Variants in SMARCAD1 observed in about 807,000 individuals in gnomAD.
SMARCAD1 encodes SNF2 related chromatin remodeling ATPase with DExD box 1.
A neutral mutation model predicts 127.1 loss-of-function variants in SMARCAD1; 25 were observed. That is an observed-to-expected ratio of 0.20 (90% CI 0.14 to 0.27). The LOEUF is 0.27. Ranked by LOEUF, SMARCAD1 falls within the 10% of genes least tolerant of loss-of-function variation. SMARCAD1 has a pLI of 1.00. For synonymous variants in SMARCAD1, 400 were observed against 396.9 expected (o/e 1.01, Z -0.09); for missense variants, 807 against 1,206.0 (o/e 0.67, Z 4.90).
chr4:94,219,564 T>A (rs748936676), intron 2 of SMARCAD1, among the ~76,000 whole-genome samples: 1 of 152,160 alleles, frequency 6.6e-6, no homozygotes, highest in Non-Finnish European at 1.5e-5. Context: ...TTGTCTTCTT[T>A]TATGCATACC....
chr4:94,220,927 T>C (rs1207539957), intron 2 of SMARCAD1, among the ~76,000 whole-genome samples: 1 of 152,246 alleles, frequency 6.6e-6, no homozygotes, highest in Non-Finnish European at 1.5e-5. Flanking sequence ...CGTACAACAG[T>C]GATCTCAAGG....
chr4:94,256,631 G>A lies in SMARCAD1; in HGVS notation c.1281+3624G>A, dbSNP rs912824490. Among the ~76,000 whole-genome samples the A allele has an allele frequency of 7.9e-5, 12 of 152,160 alleles. No individual in the cohort carries two copies. In the South Asian group the frequency reaches 2.1e-3, roughly 26 times the overall value. ...ACCTGTTGCGGCCTCTCCAAGTGCC[G>A]GGGTTACAGGCGTGAGCCACTGCAT... On this transcript the variant is annotated intron_variant, in intron 9 of 23. Coordinates refer to ENST00000354268, the MANE Select transcript of SMARCAD1 (RefSeq NM_020159.5).
chr4:94,272,368 C>CT (rs2125980963), intron 11 of SMARCAD1, among the ~76,000 whole-genome samples: 1 of 152,274 alleles, frequency 6.6e-6, no homozygotes, highest in South Asian at 2.1e-4. Context: ...TCCTAAGTAA[C>CT]TTTTTTAAAC....
chr4:94,287,911 G>A lies in SMARCAD1; in HGVS notation c.3020-1562G>A, dbSNP rs1276695079. Among the ~76,000 whole-genome samples the A allele has an allele frequency of 2.0e-5, 3 of 151,910 alleles. No homozygotes were observed. The East Asian group carries it at 5.8e-4, about 29-fold the overall frequency. ...TTCATGCTTATAATGCCAGCACTTGGGGAGACAGGCGGGAGGATCGTTTGA... is the reference window on the plus strand; with the variant it reads ...TTCATGCTTATAATGCCAGCACTTGAGGAGACAGGCGGGAGGATCGTTTGA... On this transcript the variant is annotated intron_variant, in intron 23 of 23. Coordinates refer to ENST00000354268, the MANE Select transcript of SMARCAD1 (RefSeq NM_020159.5).
At chr4:94,238,862 A>G (rs1747124801) in intron 5 of SMARCAD1, among the ~76,000 whole-genome samples, 1 of 152,098 alleles carries the variant, frequency 6.6e-6, no homozygotes, top group Middle Eastern at 3.2e-3. Context: ...AATTTCACAA[A>G]TATTTATTAT....
At chr4:94,209,111 A>T (rs1317776104) in intron 2 of SMARCAD1, among the ~76,000 whole-genome samples, 1 of 152,242 alleles carries the variant, frequency 6.6e-6, no homozygotes, top group Non-Finnish European at 1.5e-5. Flanking sequence ...ATGGTGAATG[A>T]ACATTTTTAA....
At chr4:94,273,227 G>A (rs1388676120) in intron 11 of SMARCAD1, among the ~76,000 whole-genome samples, 3 of 152,178 alleles carry the variant, frequency 2.0e-5, no homozygotes, top group East Asian at 1.9e-4. Flanking sequence ...GAATTGCTGG[G>A]ATAGATTAGG....
intron 16 of SMARCAD1, among the ~76,000 whole-genome samples, chr4:94,277,973 GCACTATTCCCCATTTTTAGAC>G (rs1254047230): frequency 6.6e-6 from 1 of 152,144 alleles, no homozygotes; most frequent in Non-Finnish European, 1.5e-5. Flanking sequence ...TTCTGACTAA[GCACTATTCCCCATTTTTAGAC>G]CAAGTGATTT....
chr4:94,270,207 A>G (rs981747179), intron 10 of SMARCAD1, among the ~76,000 whole-genome samples: 1 of 152,058 alleles, frequency 6.6e-6, no homozygotes, highest in African/African-American at 2.4e-5. Flanking sequence ...TGTACGTAGT[A>G]TGCACATAAT....
At chr4:94,278,795 T>TTA (rs1753638039) in intron 18 of SMARCAD1, 62 bp downstream of exon 18, 6 of 1,599,148 alleles carry the variant, frequency 3.8e-6, no homozygotes, top group Non-Finnish European at 5.1e-6. Flanking sequence ...TGCATTTTGT[T>TTA]TAGTCATATA....
intron 9 of SMARCAD1, chr4:94,253,420 G>A (rs1477808319): frequency 4.0e-6 from 5 of 1,235,742 alleles, no homozygotes; most frequent in Non-Finnish European, 5.2e-6. Context: ...AAGAGCAATA[G>A]CAACGGCCAG....
rs531284636 is a variant in SMARCAD1, at chr4:94,224,845, G to T, written c.191-1274G>T. On this transcript the variant is annotated intron_variant, in intron 2 of 23. Transcript: ENST00000354268. ...GGGATATGTGTCCCTCATGATTATTGTGAGGTTTAAATGTTTATTATATTT... is the reference window on the plus strand; with the variant it reads ...GGGATATGTGTCCCTCATGATTATTTTGAGGTTTAAATGTTTATTATATTT... 3.0e-4 allele frequency among the ~76,000 whole-genome samples: 46 copies of T among 152,182 alleles called. 1 individual carries two copies. In the South Asian group the frequency reaches 8.1e-3, roughly 27 times the overall value.
At chr4:94,265,792 G>C (rs1751659301) in intron 10 of SMARCAD1, among the ~76,000 whole-genome samples, 1 of 151,820 alleles carries the variant, frequency 6.6e-6, no homozygotes, top group South Asian at 2.1e-4. Flanking sequence ...AATGAATTAT[G>C]GTATATCCAT....
chr4:94,225,749 AG>A (rs1649632340), intron 2 of SMARCAD1, among the ~76,000 whole-genome samples: 1 of 152,228 alleles, frequency 6.6e-6, no homozygotes, highest in South Asian at 2.1e-4. Flanking sequence ...GAGGAAATTA[AG>A]GCTTAGAGAA....
At chr4:94,281,398 C>G in intron 20 of SMARCAD1, 74 bp from the exon 21 acceptor site, 1 of 982,132 alleles carries the variant, frequency 1.0e-6, no homozygotes, top group Non-Finnish European at 1.6e-6. Flanking sequence ...ACACTTCTAA[C>G]TGTTTAAACC....
At chr4:94,276,043 C>T (rs985345576) in intron 14 of SMARCAD1, among the ~76,000 whole-genome samples, 12 of 151,996 alleles carry the variant, frequency 7.9e-5, no homozygotes, top group Admixed American at 1.3e-4. Context: ...GTGATCCGCC[C>T]GCCTCGGCCT....
intron 2 of SMARCAD1, among the ~76,000 whole-genome samples, chr4:94,220,706 T>C (rs573132735): frequency 6.6e-6 from 1 of 152,246 alleles, no homozygotes; most frequent in Non-Finnish European, 1.5e-5. Context: ...AAAGCAATCA[T>C]AGGTAAAATT....
chr4:94,248,609 C>T lies in SMARCAD1; in HGVS notation c.706-1045C>T, dbSNP rs1748819740. ...CTGTTGCTTCTTAAAAAAGACTAACCTTAGGCTTTATTCCATGTTAGCTCT... is the reference window on the plus strand; with the variant it reads ...CTGTTGCTTCTTAAAAAAGACTAACTTTAGGCTTTATTCCATGTTAGCTCT... On this transcript the variant is annotated intron_variant, in intron 6 of 23. Coordinates refer to ENST00000354268, the MANE Select transcript of SMARCAD1 (RefSeq NM_020159.5). 1.0e-4 allele frequency: 45 copies of T among 450,426 alleles called. 1 individual carries two copies. Among genetic ancestry groups the T allele is most frequent in the South Asian group, 6.6e-4 (42 of 63,480 alleles). The allele number at this position is 450,426 out of a possible 1,614,324, so 27.9% of individuals were successfully genotyped here.
chr4:94,275,545 A>G (rs1443995032), intron 14 of SMARCAD1, among the ~76,000 whole-genome samples: 1 of 152,022 alleles, frequency 6.6e-6, no homozygotes, highest in Non-Finnish European at 1.5e-5. Context: ...TTCATGCGGA[A>G]TTTTATTTTT....
Sources: allele counts gnomAD v4.1 joint callset (sites outside exome capture counted in the v4.1 genomes callset), GRCh38; gene constraint gnomAD v4.1.1; transcripts MANE v1.5; gene names NCBI Gene and HGNC (gene_info 2026-07-23, HGNC 2026-07-21).